The following RBFOX1 variants were observed in gnomAD, a reference collection of about 807,000 sequenced individuals.
RBFOX1 encodes the protein RNA binding fox-1 homolog 1.
Under a neutral mutation model 57.7 loss-of-function variants are expected in RBFOX1, and 8 were observed. The observed-to-expected ratio is 0.14, with a 90% CI of 0.08 to 0.25. RBFOX1 has a LOEUF of 0.25. RBFOX1 is among the 10% of genes least tolerant of loss of function. The pLI is 1.00. For missense variants in RBFOX1, 611 were observed against 548.5 expected, an observed-to-expected ratio of 1.11 and a Z score of -1.14; for synonymous variants, 326 against 222.4, an observed-to-expected ratio of 1.47 and a Z score of -4.15.
chr16:6,223,240 G>A (rs2097389681), intron 1 of RBFOX1, among the ~76,000 whole-genome samples: 1 of 151,204 alleles, frequency 6.6e-6, no homozygotes, highest in South Asian at 2.1e-4. Flanking sequence ...TGGGTCAAAT[G>A]GTATTTCTGG....
chr16:6,619,372 T>G (rs1261347944), intron 2 of RBFOX1, among the ~76,000 whole-genome samples: 2 of 152,298 alleles, frequency 1.3e-5, no homozygotes, highest in Middle Eastern at 3.4e-3. Context: ...TAGCCATCTA[T>G]GCCAAGCCCC....
At chr16:6,910,987 G>A (rs2071428690) in intron 3 of RBFOX1, among the ~76,000 whole-genome samples, 2 of 152,026 alleles carry the variant, frequency 1.3e-5, no homozygotes, top group Non-Finnish European at 1.5e-5. Flanking sequence ...GATCACTTGA[G>A]GTCAGGAGTT....
At chr16:5,940,693 G>A (rs1339874197) in intron 4 of RBFOX1, among the ~76,000 whole-genome samples, 1 of 152,256 alleles carries the variant, frequency 6.6e-6, no homozygotes, top group Non-Finnish European at 1.5e-5. Context: ...CAGCAGAGCA[G>A]TTTCTAGGCC....
intron 1 of RBFOX1, among the ~76,000 whole-genome samples, chr16:6,103,096 A>G (rs767466231): frequency 1.3e-5 from 2 of 152,194 alleles, no homozygotes; most frequent in Non-Finnish European, 2.9e-5. Flanking sequence ...GATTTAGGAG[A>G]TGAACAGTAG....
At chr16:7,307,560 A>C (rs1299080260) in intron 4 of RBFOX1, among the ~76,000 whole-genome samples, 3 of 152,332 alleles carry the variant, frequency 2.0e-5, no homozygotes, top group African/African-American at 7.2e-5. Context: ...TATCTAGATA[A>C]GTGTTTACTT....
intron 4 of RBFOX1, among the ~76,000 whole-genome samples, chr16:5,870,601 A>G (rs557431244): frequency 4.6e-5 from 7 of 151,772 alleles, no homozygotes; most frequent in Non-Finnish European, 1.0e-4. Flanking sequence ...CATTTCCCAG[A>G]TGGAACAGTT....
chr16:7,435,487 A>G (rs150110000), intron 4 of RBFOX1, among the ~76,000 whole-genome samples: 12 of 152,316 alleles, frequency 7.9e-5, no homozygotes, highest in Middle Eastern at 3.4e-3. Context: ...GCTCTTTGGA[A>G]GGAAATCACT....
At chr16:6,538,716 A>C (rs2153829064) in intron 2 of RBFOX1, among the ~76,000 whole-genome samples, 1 of 152,244 alleles carries the variant, frequency 6.6e-6, no homozygotes, top group South Asian at 2.1e-4. Flanking sequence ...ATTCTCACTA[A>C]CTTTTGACGA....
chr16:6,682,748 C>T (rs577029312), intron 3 of RBFOX1, among the ~76,000 whole-genome samples: 1 of 151,574 alleles, frequency 6.6e-6, no homozygotes, highest in African/African-American at 2.4e-5. Flanking sequence ...GTTATCATTA[C>T]CAGTAGATTC....
chr16:6,872,201 G>T (rs2153275040), intron 3 of RBFOX1, among the ~76,000 whole-genome samples: 1 of 152,190 alleles, frequency 6.6e-6, no homozygotes, highest in Non-Finnish European at 1.5e-5. Flanking sequence ...CTTGTGCTCA[G>T]CACCTAGCAT....
rs1265809015 is a variant in RBFOX1, at chr16:6,019,550, G to A, written c.-569G>A. On this transcript the variant is annotated 5_prime_UTR_variant, in exon 1 of 16. Coordinates refer to ENST00000550418, the MANE Select transcript of RBFOX1 (RefSeq NM_018723.4). The surrounding 1 kb of genome is among the most constrained non-coding windows in gnomAD (Gnocchi z 4.2). ...CTCTGCCAGCCCCGGGAACAGCAGA[G>A]GCGGCGGCACTGGCTGGACCCACGC... 5.1e-5 allele frequency: 57 copies of A among 1,115,512 alleles called. No homozygotes were observed. The highest frequency in any genetic ancestry group is 5.9e-5 in the Non-Finnish European group (54 of 913,750). The allele number at this position is 1,115,512 out of a possible 1,614,324, so 69.1% of individuals were successfully genotyped here.
chr16:7,294,947 A>G (rs1031650585), intron 4 of RBFOX1, among the ~76,000 whole-genome samples: 1 of 152,184 alleles, frequency 6.6e-6, no homozygotes, highest in African/African-American at 2.4e-5. Flanking sequence ...TTGTGCCCTC[A>G]GTTTCTTCTT....
chr16:5,416,570 T>G (rs1353118495), intron 1 of RBFOX1, among the ~76,000 whole-genome samples: 1 of 152,222 alleles, frequency 6.6e-6, no homozygotes, highest in African/African-American at 2.4e-5. Context: ...GGTTGACACC[T>G]TGTAAAAAAT....
At chr16:7,178,320 A>G (rs1015407390) in intron 4 of RBFOX1, among the ~76,000 whole-genome samples, 1 of 152,212 alleles carries the variant, frequency 6.6e-6, no homozygotes, top group Non-Finnish European at 1.5e-5. Flanking sequence ...AAAAACCAAG[A>G]GGAGAAGGTC....
intron 3 of RBFOX1, among the ~76,000 whole-genome samples, chr16:6,781,650 T>G (rs1402465055): frequency 6.6e-6 from 1 of 152,168 alleles, no homozygotes; most frequent in Non-Finnish European, 1.5e-5. Context: ...TTTCAATCTT[T>G]GTAGTTTTTT....
intron 9 of RBFOX1, among the ~76,000 whole-genome samples, chr16:7,598,874 A>G (rs12933090): frequency 2.0e-5 from 3 of 152,236 alleles, no homozygotes; most frequent in Non-Finnish European, 2.9e-5. Context: ...TGTTTATCAC[A>G]ATAAAAGAAA....
At chr16:7,686,399 C>T (rs940196343) in intron 14 of RBFOX1, among the ~76,000 whole-genome samples, 1 of 152,010 alleles carries the variant, frequency 6.6e-6, no homozygotes, top group East Asian at 1.9e-4. Context: ...CTTTTCTGCT[C>T]ATGGATCAGC....
At chr16:5,929,621 T>A (rs956103484) in intron 4 of RBFOX1, among the ~76,000 whole-genome samples, 1 of 152,222 alleles carries the variant, frequency 6.6e-6, no homozygotes, top group African/African-American at 2.4e-5. Flanking sequence ...TGGATCATAA[T>A]ATAATAATAA....
chr16:5,514,033 G>T (rs967303384), intron 2 of RBFOX1, among the ~76,000 whole-genome samples: 2 of 152,182 alleles, frequency 1.3e-5, no homozygotes, highest in African/African-American at 4.8e-5. Context: ...TGTTTAGTAT[G>T]TATTTAATGG....
Sources: gnomAD v4.1 joint callset for allele counts (sites outside exome capture counted in the v4.1 genomes callset) on GRCh38, gnomAD v4.1.1 for gene constraint, Gnocchi (gnomAD v3.1) non-coding constraint, MANE v1.5 for transcripts, NCBI Gene and HGNC (gene_info 2026-07-23, HGNC 2026-07-21) for gene names.